NR2C2: variants seen among roughly 807,000 people sequenced by gnomAD.
NR2C2 encodes the protein nuclear receptor subfamily 2 group C member 2, also known as Nuclear hormone receptor TR4.
In NR2C2, 6 loss-of-function variants were observed where a neutral mutation model predicts 62.9. The ratio of observed to expected loss-of-function variants is 0.10; its 90% CI spans 0.05 to 0.19. The LOEUF (loss-of-function observed/expected upper bound fraction) is 0.19. NR2C2 is among the 10% of genes least tolerant of loss of function. The pLI is 1.00. For synonymous variants in NR2C2, 272 were observed against 273.8 expected, an observed-to-expected ratio of 0.99 and a Z score of 0.07; for missense variants, 479 against 762.7, an observed-to-expected ratio of 0.63 and a Z score of 4.38.
In NR2C2 at chr3:14,972,375, A is replaced by G. The variant is rs1397161411; in HGVS notation, c.-40+24469A>G. On this transcript the variant is annotated intron_variant, in intron 1 of 13. Coordinates refer to ENST00000425241, the MANE Select transcript of NR2C2 (RefSeq NM_001291694.2). ...TTTTTAGTAGAGACAGAGTTTCACC[A>G]TGATGGCCAGGTTGGTCTCAAACTC... Among the ~76,000 whole-genome samples the G allele has an allele frequency of 1.3e-4, 19 of 151,660 alleles. No homozygotes were observed. In the East Asian group the frequency reaches 2.7e-3, roughly 22 times the overall value.
chr3:15,000,815 T>TG (rs1491248456), intron 1 of NR2C2, among the ~76,000 whole-genome samples: 9 of 56,848 alleles, frequency 1.6e-4, no homozygotes, highest in African/African-American at 6.6e-4. Context: ...TTTATTTAGG[T>TG]TTTTTTTTTT....
chr3:15,019,253 A>G (rs1018559646), intron 4 of NR2C2, among the ~76,000 whole-genome samples: 4 of 151,946 alleles, frequency 2.6e-5, no homozygotes, highest in Non-Finnish European at 5.9e-5. Flanking sequence ...AATGTCTACA[A>G]TTAAAAAGAC....
At chr3:14,948,079 C>G (rs1386358827) in intron 1 of NR2C2, 173 bp downstream of exon 1, 2 of 152,202 alleles carry the variant, frequency 1.3e-5, no homozygotes, top group African/African-American at 2.4e-5. Flanking sequence ...CTCCCCTCCC[C>G]TCCCCGCCCG....
At chr3:14,968,206 A>G (rs1163222774) in intron 1 of NR2C2, among the ~76,000 whole-genome samples, 1 of 152,230 alleles carries the variant, frequency 6.6e-6, no homozygotes, top group East Asian at 1.9e-4. Context: ...CAGGCAACCT[A>G]CAAAATGGGA....
At chr3:15,018,680 G>A (rs796282807) in intron 4 of NR2C2, among the ~76,000 whole-genome samples, 134 of 152,080 alleles carry the variant, frequency 8.8e-4, no homozygotes, top group African/African-American at 2.8e-3. Flanking sequence ...CCTGACCAAC[G>A]TGGCAAAACC....
At chr3:15,039,064 A>AC in intron 12 of NR2C2, 58 bp from the exon 13 acceptor site, 10 of 1,269,716 alleles carry the variant, frequency 7.9e-6, no homozygotes, top group Non-Finnish European at 1.1e-5. Flanking sequence ...TAAGAAGTCT[A>AC]CAAGTGAGAC....
intron 1 of NR2C2, among the ~76,000 whole-genome samples, chr3:14,994,036 C>G (rs1241310300): frequency 6.6e-6 from 1 of 152,274 alleles, no homozygotes; most frequent in East Asian, 1.9e-4. Flanking sequence ...ACAACCCCAA[C>G]ATGGCACAGA....
At chr3:14,987,910 T>C (rs867810464) in intron 1 of NR2C2, among the ~76,000 whole-genome samples, 12 of 152,234 alleles carry the variant, frequency 7.9e-5, no homozygotes, top group Non-Finnish European at 1.3e-4. Flanking sequence ...ATAAATATCA[T>C]CTTTTCCCCA....
At chr3:15,015,971 T>G (rs1269545099) in intron 3 of NR2C2, among the ~76,000 whole-genome samples, 181 bp from the exon 4 acceptor site, 1 of 152,008 alleles carries the variant, frequency 6.6e-6, no homozygotes, top group Non-Finnish European at 1.5e-5. Context: ...TTTGACTAAT[T>G]TTGTATTTTT....
chr3:14,969,703 A>C (rs1218106987), intron 1 of NR2C2, among the ~76,000 whole-genome samples: 3 of 152,206 alleles, frequency 2.0e-5, no homozygotes, highest in Admixed American at 2.0e-4. Context: ...GTGGCTTTAC[A>C]ACCCTTTTCC....
chr3:15,039,020 C>A, intron 12 of NR2C2, 102 bp from the exon 13 acceptor site: 2 of 791,988 alleles, frequency 2.5e-6, no homozygotes, highest in Admixed American at 2.2e-5. Flanking sequence ...ATTTGTTGTA[C>A]TTAAGAAGTT....
chr3:14,978,444 T>G (rs1267489096), intron 1 of NR2C2, among the ~76,000 whole-genome samples: 2 of 152,218 alleles, frequency 1.3e-5, no homozygotes, highest in Non-Finnish European at 2.9e-5. Flanking sequence ...AACAGAATGG[T>G]CATCTAGGTA....
intron 1 of NR2C2, among the ~76,000 whole-genome samples, chr3:14,957,639 A>G (rs927096397): frequency 5.9e-5 from 9 of 152,150 alleles, no homozygotes; most frequent in Non-Finnish European, 1.3e-4. Flanking sequence ...TGGATATGAA[A>G]TAGTTTTTAT....
intron 11 of NR2C2, among the ~76,000 whole-genome samples, chr3:15,035,031 G>T (rs1169774452): frequency 6.6e-6 from 1 of 152,196 alleles, no homozygotes; most frequent in Non-Finnish European, 1.5e-5. Flanking sequence ...GGTGGCTCAC[G>T]CCTGTAATCC....
At position 15,023,963 on chromosome 3, in the gene NR2C2, G is replaced by A. The variant is rs376961989; in HGVS notation, c.705-152G>A. 9.5e-6 allele frequency: 6 copies of A among 629,058 alleles called. No individual in the cohort carries two copies. The African/African-American group carries it at 9.5e-5, about 10-fold the overall frequency. 39.0% of individuals were successfully genotyped at this position (629,058 alleles called of 1,614,324 possible). On this transcript the variant is annotated intron_variant, in intron 6 of 13. Transcript: ENST00000425241. ...CTCATTGCAGAGAGACAGGGGTGGG[G>A]GTTCTGCTTAGTCACTAAGCGGCTG...
chr3:14,971,206 C>T (rs2040027066), intron 1 of NR2C2, among the ~76,000 whole-genome samples: 1 of 151,804 alleles, frequency 6.6e-6, no homozygotes, highest in South Asian at 2.1e-4. Flanking sequence ...CAACCTTTGC[C>T]TCCTGGGTTC....
rs145461560 is a variant in NR2C2, at chr3:14,964,175, G to A, written c.-40+16269G>A. Among the ~76,000 whole-genome samples the A allele has an allele frequency of 1.4e-3, 208 of 152,016 alleles. 1 individual carries two copies. Among genetic ancestry groups the A allele is most frequent in the African/African-American group, 4.5e-3 (188 of 41,468 alleles). ...GTTAAGTTCCTATGGCATATTTCTG[G>A]TCAAAAAATAAAAAATCAAATTTCT... is the stretch of plus-strand genomic sequence containing the variant. On this transcript the variant is annotated intron_variant, in intron 1 of 13. Coordinates refer to ENST00000425241, the MANE Select transcript of NR2C2 (RefSeq NM_001291694.2).
chr3:15,023,141 G>C, intron 5 of NR2C2, 59 bp from the exon 6 acceptor site: 1 of 1,586,126 alleles, frequency 6.3e-7, no homozygotes, highest in Non-Finnish European at 8.6e-7. Context: ...GTTTTCCCTT[G>C]TGGTTTTTAT....
At chr3:14,968,588 G>T (rs2039934255) in intron 1 of NR2C2, among the ~76,000 whole-genome samples, 2 of 148,954 alleles carry the variant, frequency 1.3e-5, no homozygotes, top group African/African-American at 5.0e-5. Context: ...GATTCCTCAG[G>T]GATCTAGAAC....
Sources: allele counts gnomAD v4.1 joint callset (sites outside exome capture counted in the v4.1 genomes callset), GRCh38; gene constraint gnomAD v4.1.1; transcripts MANE v1.5; gene names NCBI Gene and HGNC (gene_info 2026-07-23, HGNC 2026-07-21).